The following ZC3H18 variants were observed in gnomAD, a reference collection of about 807,000 sequenced individuals.
ZC3H18 encodes the protein zinc finger CCCH-type containing 18, also known as zinc finger CCCH domain-containing protein 18.
A neutral mutation model predicts 106.1 loss-of-function variants in ZC3H18; 8 were observed. That is an observed-to-expected ratio of 0.08 (90% confidence interval 0.04 to 0.14). ZC3H18 has a LOEUF of 0.14. ZC3H18 is among the 10% of genes least tolerant of loss of function. The pLI is 1.00. For missense variants in ZC3H18, 1,318 were observed against 1,278.4 expected (o/e 1.03, Z -0.47); for synonymous variants, 635 against 522.1 (o/e 1.22, Z -2.95).
chr16:88,574,593 C>A (rs903428722), intron 1 of ZC3H18, among the ~76,000 whole-genome samples: 32 of 151,426 alleles, frequency 2.1e-4, no homozygotes, highest in African/African-American at 7.8e-4. Flanking sequence ...GCCTCAACCT[C>A]CTAGGATCAG....
intron 8 of ZC3H18, among the ~76,000 whole-genome samples, chr16:88,620,616 T>C (rs1905898545): frequency 1.3e-5 from 2 of 151,268 alleles, no homozygotes; most frequent in Admixed American, 1.3e-4. Flanking sequence ...GTTCTGCTTA[T>C]ACAATTGCCA....
rs374019286 is a variant in ZC3H18 at position 88,624,517 on chromosome 16, G to A, written c.1899-85G>A. On this transcript the variant is annotated intron_variant, in intron 11 of 17. Transcript: ENST00000301011. ...TCACAGGCATGCAGTGTCGTTCCCC[G>A]AGCTGTGGGTCCATTGAAAGGGGAT... The A allele has an allele frequency of 4.4e-5, 71 of 1,600,804 alleles. No individual in the cohort carries two copies. The African/African-American group carries it at 5.5e-4, about 12-fold the overall frequency.
rs886077777 is a variant in ZC3H18 at position 88,624,675 on chromosome 16, G to A, written c.1972G>A (p.Glu658Lys). ...QATKTTAPVP[E>K]PTKPGDPREA... Reference sequence around the variant, plus strand: ...CACCAAAACCACTGCTCCTGTCCCCGAGCCCACCAAGCCAGGAGACCCTCG... The same window carrying A: ...CACCAAAACCACTGCTCCTGTCCCCAAGCCCACCAAGCCAGGAGACCCTCG... Residue 658 changes from glutamate to lysine, a missense_variant, in exon 12 of 18, where the codon GAG (glutamate) becomes AAG (lysine). Physicochemically the swap from Glu to Lys is moderately conservative, Grantham distance 56 (BLOSUM62 1). Around this residue, in one of 6 missense-constraint regions of ZC3H18, gnomAD observed 848 missense variants for 821.7 expected, o/e 1.03. Transcript: ENST00000301011. The A allele has an allele frequency of 8.7e-6, 14 of 1,613,618 alleles. No homozygotes were observed. The highest frequency in any genetic ancestry group is 1.3e-5 in the African/African-American group (1 of 74,864).
rs1906415454 is a variant in ZC3H18, at chr16:88,627,911, C to T, written c.2270-9C>T. On this transcript the variant is annotated splice_polypyrimidine_tract_variant and intron_variant, in intron 14 of 17. Coordinates refer to ENST00000301011, the MANE Select transcript of ZC3H18 (RefSeq NM_144604.4). The surrounding 1 kb of genome is among the most constrained non-coding windows in gnomAD (Gnocchi z 4.5). ...AGTACCCCCATGACTGCGGATTTAT[C>T]ATTGGTAGGAAAATCTAAGAAAGAA... The T allele has an allele frequency of 6.2e-7, 1 of 1,613,754 alleles. No homozygotes were observed. Among genetic ancestry groups the T allele is most frequent in the Non-Finnish European group, 8.5e-7 (1 of 1,180,038 alleles).
rs1159614641 is a variant in ZC3H18, at chr16:88,622,323, C to A, written c.1602C>A (p.Ser534=). 1 of 1,613,906 alleles carries A rather than the reference C, an allele frequency of 6.2e-7. No homozygotes were observed. The highest frequency in any genetic ancestry group is 8.5e-7 in the Non-Finnish European group (1 of 1,179,902). ...SPKKKLGVSV[S]PSRARRRRKT... ...AGAAGAAACTCGGGGTGTCGGTCTC[C>A]CCGAGCCGGGCTCGAAGGCGTCGGA... Residue 534 remains serine, a synonymous_variant, in exon 9 of 18, where the codon TCC becomes TCA. Coordinates refer to ENST00000301011, the MANE Select transcript of ZC3H18 (RefSeq NM_144604.4).
In ZC3H18 at chr16:88,623,987, C is replaced by A; in HGVS notation, c.1823C>A (p.Pro608Gln). ...CGGTCCTTCTCTTCGTCCCCGTCCC[C>A]GTCCCCAACACCTTCCCCACATAGA... Reference protein sequence around the residue: ...RSRSFSSSPSPSPTPSPHRPS... With the variant: ...RSRSFSSSPSQSPTPSPHRPS... Residue 608 changes from proline (P) to glutamine (Q), a missense_variant, in exon 11 of 18, where the codon CCG becomes CAG. This residue lies in a region of ZC3H18 where 848 missense variants were observed against 821.7 expected (regional missense o/e 1.03). Coordinates refer to ENST00000301011, the MANE Select transcript of ZC3H18 (RefSeq NM_144604.4). 1 of 1,613,446 alleles carries A rather than the reference C, an allele frequency of 6.2e-7. No homozygotes were observed. The highest frequency in any genetic ancestry group is 8.5e-7 in the Non-Finnish European group (1 of 1,179,486).
At chr16:88,619,737 G>A (rs1247393470) in intron 8 of ZC3H18, among the ~76,000 whole-genome samples, 1 of 152,162 alleles carries the variant, frequency 6.6e-6, no homozygotes, top group African/African-American at 2.4e-5. Flanking sequence ...GACTCCACAT[G>A]CTGTTACAGC....
intron 1 of ZC3H18, chr16:88,571,780 C>A: frequency 2.9e-6 from 2 of 696,052 alleles, no homozygotes; most frequent in Non-Finnish European, 3.5e-6. Context: ...AGTGGTCACG[C>A]TTGGTCACTT....
chr16:88,628,202 GA>G, intron 15 of ZC3H18, 83 bp downstream of exon 15: 1 of 1,518,280 alleles, frequency 6.6e-7, no homozygotes, highest in Non-Finnish European at 8.9e-7. Context: ...CCTCCTGGGG[GA>G]CGGAGCCTGA....
chr16:88,625,909 C>T (rs1403345087), intron 13 of ZC3H18: 2 of 140,206 alleles, frequency 1.4e-5, no homozygotes, highest in Non-Finnish European at 3.0e-5. Context: ...ATGGCGCGAT[C>T]TCGCTACCTC....
At chr16:88,572,690 A>G (rs1365779223) in intron 1 of ZC3H18, among the ~76,000 whole-genome samples, 1 of 152,046 alleles carries the variant, frequency 6.6e-6, no homozygotes, top group Admixed American at 6.6e-5. Flanking sequence ...AGACTCTTCT[A>G]CTGACACCCC....
chr16:88,589,599 G>A (rs761696599), intron 3 of ZC3H18, among the ~76,000 whole-genome samples: 9 of 151,518 alleles, frequency 5.9e-5, no homozygotes, highest in Admixed American at 2.6e-4. Flanking sequence ...TGTGACTCAC[G>A]CCGCAACGTG....
chr16:88,571,578 T>A, intron 1 of ZC3H18: 1 of 981,544 alleles, frequency 1.0e-6, no homozygotes, highest in South Asian at 4.7e-5. Context: ...ACCAGTCAAA[T>A]GTGTCCCAAA....
chr16:88,605,492 T>G (rs1904968590), intron 6 of ZC3H18, among the ~76,000 whole-genome samples: 1 of 152,222 alleles, frequency 6.6e-6, no homozygotes, highest in South Asian at 2.1e-4. Flanking sequence ...ACCCTCCTTT[T>G]CACCTTGGGT....
intron 3 of ZC3H18, chr16:88,587,426 T>C: frequency 1.2e-6 from 1 of 801,380 alleles, no homozygotes; most frequent in Non-Finnish European, 2.0e-6. Flanking sequence ...CTTGGAAAGG[T>C]AGGAAGGTGT....
In ZC3H18 at chr16:88,628,035, G is replaced by A. The variant is rs753114094; in HGVS notation, c.2385G>A (p.Ser795=). The A allele has an allele frequency of 6.8e-6, 11 of 1,613,984 alleles. 1 individual carries two copies. Among genetic ancestry groups the A allele is most frequent in the African/African-American group, 2.7e-5 (2 of 74,924 alleles). ...GGGGGAAGTCCTCCCAGCAGCCCTC[G>A]ACACCCCAGCAGGCACCCCCCGGGC... The part of the protein sequence containing the change: ...PAGGKSSQQP[S]TPQQAPPGQP... Residue 795 remains serine (S), a synonymous_variant, in exon 15 of 18, where the codon TCG becomes TCA. Coordinates refer to ENST00000301011, the MANE Select transcript of ZC3H18 (RefSeq NM_144604.4).
intron 6 of ZC3H18, among the ~76,000 whole-genome samples, chr16:88,605,909 G>C (rs139169006): frequency 4.1e-4 from 63 of 152,352 alleles, no homozygotes; most frequent in Non-Finnish European, 5.9e-4. Context: ...CCTCTCCAGC[G>C]AGGAGTAGGT....
At chr16:88,580,789 C>G (rs988149231) in intron 2 of ZC3H18, among the ~76,000 whole-genome samples, 2 of 152,172 alleles carry the variant, frequency 1.3e-5, no homozygotes, top group African/African-American at 4.8e-5. Flanking sequence ...CCTTTCAGTC[C>G]CTGGAAAGCA....
intron 12 of ZC3H18, 85 bp downstream of exon 12, chr16:88,624,830 C>A: frequency 6.7e-7 from 1 of 1,488,376 alleles, no homozygotes. Context: ...ATCCAGAGTG[C>A]CAGGGTCCAG....
Sources: gnomAD v4.1 joint callset for allele counts (sites outside exome capture counted in the v4.1 genomes callset) on GRCh38, gnomAD v4.1.1 for gene constraint, gnomAD v4.1.1 regional missense constraint, Gnocchi (gnomAD v3.1) non-coding constraint, MANE v1.5 for transcripts, NCBI Gene and HGNC (gene_info 2026-07-23, HGNC 2026-07-21) for gene names.